The following SDK1 variants were observed in gnomAD, a reference collection of about 807,000 sequenced individuals.
SDK1 encodes the protein protein sidekick-1.
Under a neutral mutation model 245.5 loss-of-function variants are expected in SDK1, and 157 were observed. The observed-to-expected ratio is 0.64, with a 90% confidence interval of 0.56 to 0.73. SDK1 has a LOEUF of 0.73. SDK1 is among the 30% of genes least tolerant of loss of function. The probability of loss-of-function intolerance (pLI) is 0.00; values close to 1 mark genes in which losing one functional copy is unlikely to be tolerated. For synonymous variants in SDK1, 1,647 were observed against 1,278.5 expected, an observed-to-expected ratio of 1.29 and a Z score of -6.15; for missense variants, 3,583 against 3,002.3, an observed-to-expected ratio of 1.19 and a Z score of -4.52.
At chr7:3,678,207 G>C (rs542538965) in intron 4 of SDK1, among the ~76,000 whole-genome samples, 1 of 152,318 alleles carries the variant, frequency 6.6e-6, no homozygotes, top group South Asian at 2.1e-4. Flanking sequence ...TTTAGCCACC[G>C]TGGAAGACCG....
At chr7:3,512,431 T>A (rs555862184) in intron 1 of SDK1, among the ~76,000 whole-genome samples, 17 of 152,360 alleles carry the variant, frequency 1.1e-4, no homozygotes, top group Non-Finnish European at 4.4e-5. Flanking sequence ...AACATCTGTG[T>A]GCAGGTTTTT....
intron 1 of SDK1, among the ~76,000 whole-genome samples, chr7:3,444,328 C>A (rs560047813): frequency 1.3e-5 from 2 of 152,252 alleles, no homozygotes; most frequent in South Asian, 4.2e-4. Context: ...TCCCCAACTT[C>A]CATGTTCTTA....
intron 22 of SDK1, among the ~76,000 whole-genome samples, chr7:4,094,717 A>T (rs1782035787): frequency 6.6e-6 from 1 of 152,168 alleles, no homozygotes; most frequent in South Asian, 2.1e-4. Flanking sequence ...TGACATCGGG[A>T]TTGCAGCGAG....
intron 20 of SDK1, among the ~76,000 whole-genome samples, chr7:4,075,772 A>G (rs760897860): frequency 6.6e-6 from 1 of 151,584 alleles, no homozygotes; most frequent in Non-Finnish European, 1.5e-5. Flanking sequence ...CTCGTGCCTC[A>G]GCCTTCCGAG....
chr7:3,863,418 A>G (rs1263465241), intron 5 of SDK1, among the ~76,000 whole-genome samples: 7 of 152,114 alleles, frequency 4.6e-5, no homozygotes, highest in Non-Finnish European at 7.4e-5. Flanking sequence ...CTGTGGCAAA[A>G]TATATATATT....
At chr7:3,480,271 G>T (rs1421694051) in intron 1 of SDK1, among the ~76,000 whole-genome samples, 1 of 152,198 alleles carries the variant, frequency 6.6e-6, no homozygotes, top group Non-Finnish European at 1.5e-5. Context: ...GTGAAAGCTA[G>T]CGGTATCAAC....
chr7:3,504,132 A>G (rs1485050897), intron 1 of SDK1, among the ~76,000 whole-genome samples: 1 of 151,792 alleles, frequency 6.6e-6, no homozygotes, highest in Non-Finnish European at 1.5e-5. Flanking sequence ...CCTGGGCAAC[A>G]GAGCGAGACT....
chr7:3,660,051 C>T (rs777705051), intron 4 of SDK1, among the ~76,000 whole-genome samples: 4 of 152,052 alleles, frequency 2.6e-5, no homozygotes, highest in Admixed American at 6.5e-5. Flanking sequence ...TGTAAACACA[C>T]GAGTCTTTAG....
chr7:3,493,382 A>G (rs867594161), intron 1 of SDK1, among the ~76,000 whole-genome samples: 2 of 152,196 alleles, frequency 1.3e-5, no homozygotes, highest in South Asian at 2.1e-4. Context: ...AGCTCAGTCC[A>G]TTGATTTACT....
At position 4,001,762 on chromosome 7, in the gene SDK1, C is replaced by G. The variant is rs114016224; in HGVS notation, c.2132-9204C>G. 4.5e-3 allele frequency among the ~76,000 whole-genome samples: 688 copies of G among 152,354 alleles called. 5 individuals carry two copies. The highest frequency in any genetic ancestry group is 0.016 in the African/African-American group (652 of 41,590). On this transcript the variant is annotated intron_variant, in intron 14 of 44. Transcript: ENST00000404826. ...TTTGTTTTAGGTAGAAAGTATCCAT[C>G]TACTTCGTACTCTTTCTTCCCCCTG...
rs73674219 is a variant in SDK1 at position 4,180,781 on chromosome 7, C to T, written c.5098+2195C>T. Among the ~76,000 whole-genome samples the T allele has an allele frequency of 1.3e-3, 200 of 152,048 alleles. 1 individual carries two copies. The highest frequency in any genetic ancestry group is 2.3e-3 in the Non-Finnish European group (154 of 67,972). On this transcript the variant is annotated intron_variant, in intron 35 of 44. Transcript: ENST00000404826. ...CACGGCACAAACAGGAGCAAGAGAGCGCAAGAGGGAGGTGCCACACATTTA... is the reference window on the plus strand; with the variant it reads ...CACGGCACAAACAGGAGCAAGAGAGTGCAAGAGGGAGGTGCCACACATTTA...
intron 38 of SDK1, among the ~76,000 whole-genome samples, chr7:4,211,816 A>G (rs1217743153): frequency 1.3e-5 from 2 of 152,218 alleles, no homozygotes; most frequent in East Asian, 3.9e-4. Flanking sequence ...TCACCATGTT[A>G]GCCAGGATGG....
At chr7:3,949,959 A>G (rs1264756430) in intron 5 of SDK1, among the ~76,000 whole-genome samples, 1 of 152,220 alleles carries the variant, frequency 6.6e-6, no homozygotes, top group Non-Finnish European at 1.5e-5. Flanking sequence ...AGTGACACCC[A>G]TGCCTAACGT....
intron 1 of SDK1, among the ~76,000 whole-genome samples, chr7:3,537,929 G>T (rs1027941405): frequency 6.6e-6 from 1 of 152,194 alleles, no homozygotes; most frequent in Non-Finnish European, 1.5e-5. Flanking sequence ...GTCTCCCTCT[G>T]CAAAGAGTGA....
chr7:3,352,825 C>T (rs1374654372), intron 1 of SDK1, among the ~76,000 whole-genome samples: 6 of 151,472 alleles, frequency 4.0e-5, no homozygotes, highest in African/African-American at 9.7e-5. Context: ...TTGAGGTATT[C>T]ACAGTGTCTG....
At chr7:3,590,012 A>G (rs1780812429) in intron 1 of SDK1, among the ~76,000 whole-genome samples, 1 of 152,250 alleles carries the variant, frequency 6.6e-6, no homozygotes, top group African/African-American at 2.4e-5. Context: ...GTGCTAGGCC[A>G]GGATATACGT....
At chr7:4,030,926 A>G (rs1185638974) in intron 17 of SDK1, among the ~76,000 whole-genome samples, 2 of 152,212 alleles carry the variant, frequency 1.3e-5, no homozygotes, top group Non-Finnish European at 2.9e-5. Flanking sequence ...TATGAGCTCC[A>G]TTAAGGCAGA....
At chr7:4,164,477 A>G (rs1444092129) in intron 32 of SDK1, among the ~76,000 whole-genome samples, 1 of 152,130 alleles carries the variant, frequency 6.6e-6, no homozygotes, top group African/African-American at 2.4e-5. Flanking sequence ...CAAAATGGAA[A>G]TGCAAAGTCC....
At chr7:4,201,181 T>C (rs1783859894) in intron 35 of SDK1, among the ~76,000 whole-genome samples, 1 of 152,192 alleles carries the variant, frequency 6.6e-6, no homozygotes, top group Non-Finnish European at 1.5e-5. Flanking sequence ...GTCATTGCTG[T>C]CTATCTCCAA....
Sources: gnomAD v4.1 joint callset for allele counts (sites outside exome capture counted in the v4.1 genomes callset) on GRCh38, gnomAD v4.1.1 for gene constraint, MANE v1.5 for transcripts, NCBI Gene and HGNC (gene_info 2026-07-23, HGNC 2026-07-21) for gene names.